The following PCCA variants were observed in gnomAD, a reference collection of about 807,000 sequenced individuals.
The protein encoded by PCCA is propionyl-CoA carboxylase alpha chain, mitochondrial.
PCCA carries 74 observed loss-of-function variants against 101.3 expected under a neutral mutation model. The observed-to-expected ratio is 0.73, with a 90% CI of 0.61 to 0.89. The LOEUF (loss-of-function observed/expected upper bound fraction) is 0.89. PCCA is among the 40% of genes least tolerant of loss of function. The probability of loss-of-function intolerance (pLI) is 0.00; values close to 1 mark genes in which losing one functional copy is unlikely to be tolerated. For missense variants in PCCA, 891 were observed against 907.0 expected (o/e 0.98, Z 0.23); for synonymous variants, 294 against 313.6 (o/e 0.94, Z 0.66).
intron 19 of PCCA, among the ~76,000 whole-genome samples, chr13:100,420,798 A>C (rs2078693821): frequency 6.6e-6 from 1 of 152,144 alleles, no homozygotes; most frequent in Non-Finnish European, 1.5e-5. Flanking sequence ...CTGTTAACTC[A>C]AATGCAGTTT....
At chr13:100,094,138 G>C (rs570247889) in intron 1 of PCCA, among the ~76,000 whole-genome samples, 1 of 149,322 alleles carries the variant, frequency 6.7e-6, no homozygotes, top group African/African-American at 2.5e-5. Context: ...TGAGGCAGGA[G>C]AATCACTTGA....
intron 19 of PCCA, among the ~76,000 whole-genome samples, chr13:100,412,397 G>A (rs949844429): frequency 2.0e-5 from 3 of 152,260 alleles, no homozygotes; most frequent in East Asian, 1.9e-4. Flanking sequence ...AGGGAACTCC[G>A]TGTACTATTG....
At chr13:100,114,670 A>G (rs2048633212) in intron 4 of PCCA, among the ~76,000 whole-genome samples, 1 of 152,238 alleles carries the variant, frequency 6.6e-6, no homozygotes, top group Non-Finnish European at 1.5e-5. Flanking sequence ...ACAAACAGGT[A>G]TATGTAAAGG....
chr13:100,390,537 A>T (rs1453563336), intron 19 of PCCA, among the ~76,000 whole-genome samples: 2 of 152,204 alleles, frequency 1.3e-5, no homozygotes, highest in Non-Finnish European at 2.9e-5. Context: ...ACCTTGAGGT[A>T]TGCTAAAGAT....
intron 4 of PCCA, among the ~76,000 whole-genome samples, chr13:100,141,248 T>A (rs550059516): frequency 6.6e-6 from 1 of 152,348 alleles, no homozygotes; most frequent in Non-Finnish European, 1.5e-5. Flanking sequence ...CTCACAGATT[T>A]CTATACTGGC....
chr13:100,200,426 A>G (rs1182510188), intron 6 of PCCA, among the ~76,000 whole-genome samples: 3 of 152,126 alleles, frequency 2.0e-5, no homozygotes, highest in Non-Finnish European at 4.4e-5. Flanking sequence ...CTAATCAGCC[A>G]TCTTTTCAAA....
At chr13:100,186,823 A>T (rs540974859) in intron 6 of PCCA, among the ~76,000 whole-genome samples, 1 of 152,276 alleles carries the variant, frequency 6.6e-6, no homozygotes, top group African/African-American at 2.4e-5. Flanking sequence ...TTTAATGTGT[A>T]TCACCTAGTA....
intron 1 of PCCA, among the ~76,000 whole-genome samples, chr13:100,090,073 C>T (rs1184099610): frequency 6.6e-6 from 1 of 152,206 alleles, no homozygotes; most frequent in Non-Finnish European, 1.5e-5. Context: ...CATCTGTCAG[C>T]TGGTTCAGTG....
intron 21 of PCCA, among the ~76,000 whole-genome samples, chr13:100,497,488 G>A (rs555973963): frequency 1.3e-5 from 2 of 149,450 alleles, no homozygotes; most frequent in East Asian, 3.9e-4. Flanking sequence ...TAATTTTAGT[G>A]GCAGTAAGTA....
intron 18 of PCCA, among the ~76,000 whole-genome samples, chr13:100,366,163 A>G (rs549821357): frequency 1.3e-5 from 2 of 152,354 alleles, no homozygotes; most frequent in East Asian, 1.9e-4. Flanking sequence ...TTGCACGGTC[A>G]TCTAGATGTG....
chr13:100,355,466 A>C (rs1244648837), intron 18 of PCCA, among the ~76,000 whole-genome samples: 1 of 152,054 alleles, frequency 6.6e-6, no homozygotes. Flanking sequence ...GAGTCCTGGA[A>C]GGATACAGGA....
intron 21 of PCCA, among the ~76,000 whole-genome samples, chr13:100,481,793 T>C (rs959887916): frequency 2.0e-5 from 3 of 152,146 alleles, no homozygotes; most frequent in African/African-American, 7.2e-5. Context: ...GAATTTTCCA[T>C]ATAATGTTTC....
chr13:100,136,481 G>A (rs1205750807), intron 4 of PCCA, among the ~76,000 whole-genome samples: 1 of 152,070 alleles, frequency 6.6e-6, no homozygotes, highest in African/African-American at 2.4e-5. Flanking sequence ...CCACGCGCCC[G>A]GCCTATAAAA....
Position 100,244,284 on chromosome 13 carries a change from G to A in PCCA, c.637+8406G>A, listed in dbSNP as rs150148592. On this transcript the variant is annotated intron_variant, in intron 8 of 23. Coordinates refer to ENST00000376285, the MANE Select transcript of PCCA (RefSeq NM_000282.4). ...GAAGTGATGTGGTCATTTGAGATTA[G>A]AATGATATTCCCTGGGAGACAGGAA... Among the ~76,000 whole-genome samples, 124 of 152,276 alleles carry A rather than the reference G, an allele frequency of 8.1e-4. 1 individual carries two copies. Among genetic ancestry groups the A allele is most frequent in the African/African-American group, 2.9e-3 (119 of 41,560 alleles).
chr13:100,456,126 A>T (rs1272608735), intron 21 of PCCA, among the ~76,000 whole-genome samples: 1 of 151,988 alleles, frequency 6.6e-6, no homozygotes, highest in South Asian at 2.1e-4. Flanking sequence ...TGTTGTTTCA[A>T]TTTGCTTTAT....
At chr13:100,316,708 A>T (rs2067383595) in intron 16 of PCCA, among the ~76,000 whole-genome samples, 1 of 152,172 alleles carries the variant, frequency 6.6e-6, no homozygotes, top group Non-Finnish European at 1.5e-5. Flanking sequence ...AATTTATACC[A>T]GCAGTAGGCT....
rs186905876 is a variant in PCCA at position 100,276,464 on chromosome 13, G to T, written c.1065+3118G>T. ...ATGGAATTCATTGAATATTTTGTCT[G>T]TAGATTAATGTCTTTTAATTTTTTT... On this transcript the variant is annotated intron_variant, in intron 12 of 23. Coordinates refer to ENST00000376285, the MANE Select transcript of PCCA (RefSeq NM_000282.4). Among the ~76,000 whole-genome samples the T allele has an allele frequency of 8.6e-4, 131 of 152,084 alleles. 1 individual carries two copies. Among genetic ancestry groups the T allele is most frequent in the Admixed American group, 8.3e-3 (126 of 15,272 alleles).
chr13:100,341,956 A>AGT (rs1566963383), intron 18 of PCCA, among the ~76,000 whole-genome samples: 26 of 27,730 alleles, frequency 9.4e-4, no homozygotes, highest in Non-Finnish European at 1.4e-3. Flanking sequence ...AACCCTTCAA[A>AGT]GTATATATAT....
At chr13:100,389,497 G>A (rs376507128) in intron 19 of PCCA, among the ~76,000 whole-genome samples, 96 of 152,168 alleles carry the variant, frequency 6.3e-4, no homozygotes, top group African/African-American at 2.2e-3. Flanking sequence ...GGTGGAGGGA[G>A]AAGATCAGGA....
Sources: allele counts gnomAD v4.1 joint callset (sites outside exome capture counted in the v4.1 genomes callset), GRCh38; gene constraint gnomAD v4.1.1; transcripts MANE v1.5; gene names NCBI Gene and HGNC (gene_info 2026-07-23, HGNC 2026-07-21).